Variants in ARID1B observed in about 807,000 individuals in gnomAD.
ARID1B encodes AT-rich interactive domain-containing protein 1B.
In ARID1B, 30 loss-of-function variants were observed where a neutral mutation model predicts 212.3. That is an observed-to-expected ratio of 0.14 (90% CI 0.11 to 0.19). ARID1B has a LOEUF of 0.19. Among genes scored for constraint, ARID1B ranks in the 10% least tolerant of loss-of-function variants. ARID1B has a pLI of 1.00. For missense variants in ARID1B, 2,891 were observed against 3,204.0 expected (o/e 0.90, Z 2.36); for synonymous variants, 1,402 against 1,301.7 (o/e 1.08, Z -1.66).
At chr6:157,181,762 T>G (rs1051766457) in intron 12 of ARID1B, among the ~76,000 whole-genome samples, 1 of 152,106 alleles carries the variant, frequency 6.6e-6, no homozygotes, top group African/African-American at 2.4e-5. Context: ...TCAGAGTGAG[T>G]GCGTCCTGAA....
chr6:157,068,894 T>G (rs1783841595), intron 4 of ARID1B, among the ~76,000 whole-genome samples: 1 of 152,196 alleles, frequency 6.6e-6, no homozygotes, highest in Admixed American at 6.5e-5. Flanking sequence ...TGTGCATAGT[T>G]TTGATATGAA....
chr6:156,931,809 A>C (rs536170620), intron 3 of ARID1B, among the ~76,000 whole-genome samples: 4 of 152,088 alleles, frequency 2.6e-5, no homozygotes, highest in African/African-American at 9.6e-5. Flanking sequence ...CTAAAGATAC[A>C]AAATTAGCAA....
intron 5 of ARID1B, among the ~76,000 whole-genome samples, chr6:157,105,382 C>T (rs1417509498): frequency 1.3e-5 from 2 of 151,890 alleles, no homozygotes; most frequent in Admixed American, 1.3e-4. Flanking sequence ...AGACAACTGA[C>T]AAACTAGGAG....
At chr6:156,959,990 G>A (rs989657659) in intron 4 of ARID1B, among the ~76,000 whole-genome samples, 1 of 147,018 alleles carries the variant, frequency 6.8e-6, no homozygotes, top group African/African-American at 2.6e-5. Flanking sequence ...GAGTGCAATG[G>A]CGCGATCTTG....
chr6:157,037,141 C>T (rs1312231567), intron 4 of ARID1B, among the ~76,000 whole-genome samples: 4 of 152,174 alleles, frequency 2.6e-5, no homozygotes, highest in Admixed American at 1.3e-4. Flanking sequence ...AATTTCAATT[C>T]GGCATAGCAC....
intron 4 of ARID1B, among the ~76,000 whole-genome samples, chr6:156,948,387 A>G (rs1793323109): frequency 6.6e-6 from 1 of 151,074 alleles, no homozygotes; most frequent in African/African-American, 2.4e-5. Flanking sequence ...TAATTTTTAA[A>G]TTTCTTATAG....
chr6:156,998,514 C>T (rs1252583282), intron 4 of ARID1B, among the ~76,000 whole-genome samples: 5 of 152,156 alleles, frequency 3.3e-5, no homozygotes, highest in African/African-American at 1.2e-4. Context: ...TGAGCCACCG[C>T]GCCTGGCTCT....
intron 4 of ARID1B, among the ~76,000 whole-genome samples, chr6:157,069,183 G>T (rs764317233): frequency 2.6e-5 from 4 of 152,060 alleles, no homozygotes; most frequent in Non-Finnish European, 4.4e-5. Context: ...AAGAATTGAT[G>T]ATGTCTAGTT....
intron 1 of ARID1B, among the ~76,000 whole-genome samples, chr6:156,828,925 G>A (rs533263225): frequency 3.3e-5 from 5 of 152,244 alleles, no homozygotes; most frequent in South Asian, 2.1e-4. Context: ...TTTCCTGTAC[G>A]CATAATAGAA....
chr6:157,105,338 T>A (rs886912832), intron 5 of ARID1B, among the ~76,000 whole-genome samples: 1 of 151,972 alleles, frequency 6.6e-6, no homozygotes, highest in Non-Finnish European at 1.5e-5. Context: ...TAAAAAAAAT[T>A]TCCGCTACAA....
chr6:157,080,133 T>TCTGAGCAAGAGATGCC (rs1784553639), intron 4 of ARID1B, among the ~76,000 whole-genome samples: 1 of 152,200 alleles, frequency 6.6e-6, no homozygotes, highest in African/African-American at 2.4e-5. Context: ...CTGGGGCACT[T>TCTGAGCAAGAGATGCC]CTGAGCAAGA....
intron 6 of ARID1B, among the ~76,000 whole-genome samples, chr6:157,125,921 C>A (rs1225391367): frequency 6.6e-6 from 1 of 152,126 alleles, no homozygotes; most frequent in Non-Finnish European, 1.5e-5. Context: ...TTATTTTTCC[C>A]TATTGATAGG....
chr6:156,778,088 G>C lies in ARID1B; in HGVS notation c.408G>C (p.Ser136=), dbSNP rs771546243. 1.4e-5 allele frequency: 21 copies of C among 1,539,904 alleles called. No individual in the cohort carries two copies. In the South Asian group the frequency reaches 1.8e-4, roughly 13 times the overall value. Residue 136 remains serine, a synonymous_variant, in exon 1 of 20, where the codon TCG becomes TCC. Transcript: ENST00000636930. ...AAAAASSSSS[S]GPGSAMETGL... is the part of the protein sequence containing the mutation. ...CGGCGGCATCCTCTTCCTCCTCGTC[G>C]GGCCCGGGCTCGGCCATGGAGACGG...
In ARID1B at chr6:157,145,610, A is replaced by G. The variant is rs146885235; in HGVS notation, c.2762-3014A>G. Among the ~76,000 whole-genome samples the G allele has an allele frequency of 1.3e-4, 20 of 152,316 alleles. No homozygotes were observed. In the East Asian group the frequency reaches 2.9e-3, roughly 22 times the overall value. The stretch of plus-strand genomic sequence containing the variant: ...GCAGATTTGTAGGTGATAGAACTTT[A>G]TATGTGTGAATTTAAGAAAGCCGGT... On this transcript the variant is annotated intron_variant, in intron 7 of 19. Coordinates refer to ENST00000636930, the MANE Select transcript of ARID1B (RefSeq NM_001374828.1).
intron 8 of ARID1B, among the ~76,000 whole-genome samples, chr6:157,161,113 T>A (rs1790900848): frequency 1.3e-5 from 2 of 152,240 alleles, no homozygotes. Context: ...TCTGGTTAAT[T>A]GTAATTACTT....
chr6:156,915,293 G>T (rs113889912), intron 3 of ARID1B, among the ~76,000 whole-genome samples: 1 of 152,148 alleles, frequency 6.6e-6, no homozygotes, highest in African/African-American at 2.4e-5. Flanking sequence ...TAGGCCAGGC[G>T]CAGTGGCTCA....
intron 6 of ARID1B, among the ~76,000 whole-genome samples, chr6:157,131,160 T>C (rs915457441): frequency 3.5e-4 from 54 of 152,206 alleles, no homozygotes; most frequent in Non-Finnish European, 8.8e-5. Flanking sequence ...GTTGGCCGCA[T>C]GAAGAATTTA....
chr6:156,964,424 A>T (rs1230901641), intron 4 of ARID1B, among the ~76,000 whole-genome samples: 2 of 152,224 alleles, frequency 1.3e-5, no homozygotes, highest in Non-Finnish European at 2.9e-5. Flanking sequence ...AATTCTGCTA[A>T]TTTCTTCTGG....
chr6:157,033,607 A>G (rs1396319261), intron 4 of ARID1B, among the ~76,000 whole-genome samples: 2 of 152,120 alleles, frequency 1.3e-5, no homozygotes, highest in Admixed American at 1.3e-4. Flanking sequence ...AATTAAGGTG[A>G]TTTGTGTTAT....
Sources: allele counts gnomAD v4.1 joint callset (sites outside exome capture counted in the v4.1 genomes callset), GRCh38; gene constraint gnomAD v4.1.1; transcripts MANE v1.5; gene names NCBI Gene and HGNC (gene_info 2026-07-23, HGNC 2026-07-21).